BCL2: variants seen among roughly 807,000 people sequenced by gnomAD.
The protein encoded by BCL2 is BCL2 apoptosis regulator.
In BCL2, 1 loss-of-function variant was observed where a neutral mutation model predicts 14.2. That is an observed-to-expected ratio of 0.07 (90% CI 0.02 to 0.33). BCL2 has a LOEUF of 0.33. BCL2 is among the 10% of genes least tolerant of loss of function. BCL2 has a pLI of 0.99. For synonymous variants in BCL2, 151 were observed against 137.2 expected (o/e 1.10, Z -0.70); for missense variants, 247 against 305.9 (o/e 0.81, Z 1.44).
In BCL2 at chr18:63,243,132, AG is replaced by A. The variant is rs1037729692; in HGVS notation, c.585+74949del. On this transcript the variant is annotated intron_variant, in intron 2 of 2. Transcript: ENST00000333681. ...TGCCCATCAGTGATAGACTGGATAA[AG>A]AAAATTTGGTACATATACACCATGG... 3.3e-5 allele frequency among the ~76,000 whole-genome samples: 5 copies of A among 152,220 alleles called. No homozygotes were observed. In the South Asian group the frequency reaches 8.3e-4, roughly 25 times the overall value.
At chr18:63,202,614 G>A (rs138469168) in intron 2 of BCL2, among the ~76,000 whole-genome samples, 211 of 152,112 alleles carry the variant, frequency 1.4e-3, no homozygotes, top group Middle Eastern at 6.8e-3. Context: ...TCTGTACCTC[G>A]TTCTGTTTAC....
intron 2 of BCL2, among the ~76,000 whole-genome samples, chr18:63,189,143 G>A (rs1264131089): frequency 6.8e-6 from 1 of 146,268 alleles, no homozygotes; most frequent in Non-Finnish European, 1.5e-5. Flanking sequence ...AGGTCAAAGC[G>A]CTCTCCAAAA....
At chr18:63,309,766 G>A (rs908603987) in intron 2 of BCL2, among the ~76,000 whole-genome samples, 2 of 152,156 alleles carry the variant, frequency 1.3e-5, no homozygotes, top group Non-Finnish European at 2.9e-5. Flanking sequence ...ACCCCCAGTG[G>A]ATACCAAAAT....
chr18:63,203,343 G>A (rs917280458), intron 2 of BCL2, among the ~76,000 whole-genome samples: 4 of 152,174 alleles, frequency 2.6e-5, no homozygotes, highest in Non-Finnish European at 4.4e-5. Flanking sequence ...TCTCAACCTG[G>A]ATGCCAATGA....
intron 2 of BCL2, among the ~76,000 whole-genome samples, chr18:63,282,328 G>A (rs1224765022): frequency 6.6e-6 from 1 of 152,182 alleles, no homozygotes; most frequent in East Asian, 1.9e-4. Context: ...GTTGTAACTA[G>A]CAGTTATTTC....
chr18:63,127,917 T>C lies in BCL2; in HGVS notation c.*708A>G. On this transcript the variant is annotated 3_prime_UTR_variant, in exon 3 of 3. Transcript: ENST00000333681. ...CAATTGGTAGCTTAAAAAAATACTT[T>C]CCTATGATTTAAGGGCATTTTTCCC... 1 of 225,382 alleles carries C rather than the reference T, an allele frequency of 4.4e-6. No homozygotes were observed. The highest frequency in any genetic ancestry group is 8.9e-6 in the Non-Finnish European group (1 of 112,784). 14.0% of individuals were successfully genotyped at this position (225,382 alleles called of 1,614,324 possible). A position where few individuals can be genotyped will look rare whatever the true frequency, so the allele number is the denominator to read the frequency against.
rs1274408018 is a variant in BCL2 at position 63,193,696 on chromosome 18, T to C, written c.586-64937A>G. 2.0e-5 allele frequency among the ~76,000 whole-genome samples: 3 copies of C among 151,590 alleles called. No homozygotes were observed. In the East Asian group the frequency reaches 5.8e-4, roughly 30 times the overall value. ...CACACACACACATTTTCCGTATCCA[T>C]GCATCTGTGAAATGACATTCCTTGA... On this transcript the variant is annotated intron_variant, in intron 2 of 2. Transcript: ENST00000333681.
At chr18:63,132,474 G>C (rs118076873) in intron 2 of BCL2, among the ~76,000 whole-genome samples, 20 of 152,264 alleles carry the variant, frequency 1.3e-4, no homozygotes, top group Non-Finnish European at 2.4e-4. Context: ...AATTTCTATA[G>C]GAATTATGAA....
chr18:63,299,319 G>A (rs999271672), intron 2 of BCL2, among the ~76,000 whole-genome samples: 13 of 152,184 alleles, frequency 8.5e-5, no homozygotes, highest in African/African-American at 1.4e-4. Context: ...AGTGTTCAGC[G>A]ATGATCAACT....
intron 2 of BCL2, among the ~76,000 whole-genome samples, chr18:63,163,568 T>C (rs2144621306): frequency 6.6e-6 from 1 of 152,336 alleles, no homozygotes; most frequent in South Asian, 2.1e-4. Context: ...TTAAATTTGA[T>C]TGCATGTTGC....
At chr18:63,285,563 C>G (rs1158711572) in intron 2 of BCL2, among the ~76,000 whole-genome samples, 1 of 152,150 alleles carries the variant, frequency 6.6e-6, no homozygotes, top group Non-Finnish European at 1.5e-5. Context: ...TGGGTCACTG[C>G]CGGGGAGGTA....
intron 2 of BCL2, among the ~76,000 whole-genome samples, chr18:63,212,537 G>A (rs1477720131): frequency 6.6e-6 from 1 of 151,470 alleles, no homozygotes; most frequent in African/African-American, 2.4e-5. Context: ...AGCCACAGTG[G>A]GAACTCAGGG....
intron 2 of BCL2, among the ~76,000 whole-genome samples, chr18:63,237,113 G>T (rs572503751): frequency 2.6e-5 from 4 of 152,184 alleles, no homozygotes; most frequent in African/African-American, 9.6e-5. Flanking sequence ...CCCCATAAAC[G>T]CCGCTGGTCG....
At chr18:63,134,586 C>A (rs1442747934) in intron 2 of BCL2, among the ~76,000 whole-genome samples, 1 of 152,172 alleles carries the variant, frequency 6.6e-6, no homozygotes, top group Admixed American at 6.5e-5. Context: ...TAAGCAAATT[C>A]GAAATTCAGC....
chr18:63,184,985 A>G (rs922976272), intron 2 of BCL2, among the ~76,000 whole-genome samples: 4 of 152,176 alleles, frequency 2.6e-5, no homozygotes, highest in African/African-American at 4.8e-5. Context: ...GACACTGCCA[A>G]CTTCACAGCT....
intron 2 of BCL2, among the ~76,000 whole-genome samples, chr18:63,206,242 G>C (rs1909833162): frequency 6.6e-6 from 1 of 152,214 alleles, no homozygotes; most frequent in African/African-American, 2.4e-5. Flanking sequence ...TGGGGACCAT[G>C]TCCAGATTCA....
chr18:63,283,306 C>G (rs1300941446), intron 2 of BCL2, among the ~76,000 whole-genome samples: 1 of 152,210 alleles, frequency 6.6e-6, no homozygotes, highest in Non-Finnish European at 1.5e-5. Context: ...CTCTACGGGT[C>G]TTTGGTTGCT....
intron 2 of BCL2, among the ~76,000 whole-genome samples, chr18:63,285,050 C>T (rs1912431747): frequency 6.6e-6 from 1 of 152,252 alleles, no homozygotes; most frequent in African/African-American, 2.4e-5. Flanking sequence ...GACCTCACAA[C>T]CAGGCTCCCT....
At chr18:63,128,800 T>A (rs1913985012) in intron 2 of BCL2, 41 bp from the exon 3 acceptor site, 4 of 755,578 alleles carry the variant, frequency 5.3e-6, no homozygotes, top group Non-Finnish European at 9.9e-6. Context: ...GAAAGAGTAT[T>A]AGAGAGAGAG....
Sources: gnomAD v4.1 joint callset for allele counts (sites outside exome capture counted in the v4.1 genomes callset) on GRCh38, gnomAD v4.1.1 for gene constraint, MANE v1.5 for transcripts, NCBI Gene and HGNC (gene_info 2026-07-23, HGNC 2026-07-21) for gene names.